PIGU: variants seen among roughly 807,000 people sequenced by gnomAD.
The protein encoded by PIGU is phosphatidylinositol glycan anchor biosynthesis class U.
A neutral mutation model predicts 49.9 loss-of-function variants in PIGU; 24 were observed. That is an observed-to-expected ratio of 0.48 (90% CI 0.35 to 0.68). The LOEUF is 0.68. Ranked by LOEUF, PIGU falls within the 30% of genes least tolerant of loss-of-function variation. PIGU has a pLI of 0.01. For synonymous variants in PIGU, 220 were observed against 205.7 expected (o/e 1.07, Z -0.59); for missense variants, 490 against 532.6 (o/e 0.92, Z 0.79).
At chr20:34,662,877 GTAT>G (rs971486014) in intron 1 of PIGU, among the ~76,000 whole-genome samples, 7 of 152,136 alleles carry the variant, frequency 4.6e-5, no homozygotes, top group African/African-American at 1.7e-4. Flanking sequence ...CAATGAGGAT[GTAT>G]TATTTTACAA....
chr20:34,659,717 T>C (rs1986870994), intron 1 of PIGU, among the ~76,000 whole-genome samples: 1 of 152,200 alleles, frequency 6.6e-6, no homozygotes, highest in Non-Finnish European at 1.5e-5. Context: ...AGAAAAATTA[T>C]TCTGCCTTGG....
At chr20:34,575,322 A>T in intron 10 of PIGU, 76 bp from the exon 11 acceptor site, 1 of 1,531,196 alleles carries the variant, frequency 6.5e-7, no homozygotes. Flanking sequence ...GGCCCCCCTG[A>T]ATGGAGAGGC....
At position 34,636,481 on chromosome 20, in the gene PIGU, T is replaced by C. The variant is rs141010170; in HGVS notation, c.428+1395A>G. 2.2e-3 allele frequency among the ~76,000 whole-genome samples: 339 copies of C among 151,036 alleles called. 1 individual carries two copies. Among genetic ancestry groups the C allele is most frequent in the African/African-American group, 7.7e-3 (315 of 41,124 alleles). On this transcript the variant is annotated intron_variant, in intron 5 of 11. Transcript: ENST00000217446. ...ATTGCTTGAACCCAGGAGGTAGAGG[T>C]TGCAGTGAGCCGAGATTGCACCACT...
At chr20:34,666,908 C>T (rs1219486859) in intron 1 of PIGU, among the ~76,000 whole-genome samples, 1 of 151,992 alleles carries the variant, frequency 6.6e-6, no homozygotes, top group African/African-American at 2.4e-5. Context: ...CCGTATTAGC[C>T]AGGATGGTCT....
chr20:34,658,406 G>A (rs1331558691), intron 1 of PIGU, among the ~76,000 whole-genome samples: 3 of 151,962 alleles, frequency 2.0e-5, no homozygotes, highest in African/African-American at 4.8e-5. Context: ...GCCTCTGCCC[G>A]GCCGCCACCC....
intron 7 of PIGU, among the ~76,000 whole-genome samples, chr20:34,602,238 C>T (rs908834407): frequency 6.1e-5 from 9 of 148,008 alleles, no homozygotes; most frequent in African/African-American, 1.2e-4. Flanking sequence ...GCCGAGACTG[C>T]GCCAGTGCAC....
chr20:34,619,009 C>T (rs113769788), intron 6 of PIGU, among the ~76,000 whole-genome samples: 111 of 152,168 alleles, frequency 7.3e-4, no homozygotes, highest in African/African-American at 2.4e-3. Flanking sequence ...ATGTCACAGA[C>T]GAGAGAGTGG....
chr20:34,612,998 T>C (rs1272490894), intron 7 of PIGU, among the ~76,000 whole-genome samples: 6 of 152,144 alleles, frequency 3.9e-5, no homozygotes. Context: ...TATACAAATA[T>C]AGTAGGAAAT....
At chr20:34,598,077 G>C (rs1984270547) in intron 7 of PIGU, among the ~76,000 whole-genome samples, 1 of 152,082 alleles carries the variant, frequency 6.6e-6, no homozygotes, top group African/African-American at 2.4e-5. Flanking sequence ...AACAAATTCA[G>C]GGTAGTCATA....
Position 34,654,145 on chromosome 20 carries a change from C to T in PIGU, c.195+3035G>A, listed in dbSNP as rs1600663499. Among the ~76,000 whole-genome samples, 3 of 97,978 alleles carry T rather than the reference C, an allele frequency of 3.1e-5. 1 individual carries two copies. In the South Asian group the frequency reaches 9.7e-4, roughly 32 times the overall value. The allele number at this position is 97,978 out of a possible 152,430, so 64.3% of individuals were successfully genotyped here. A position where few individuals can be genotyped will look rare whatever the true frequency, so the allele number is the denominator to read the frequency against. On this transcript the variant is annotated intron_variant, in intron 2 of 11. Coordinates refer to ENST00000217446, the MANE Select transcript of PIGU (RefSeq NM_080476.5). Reference sequence around the variant, plus strand: ...GTGCTGGGATTACAGGCGTGAGCCACCGTGCCCGGCCCTGTGTGCTTATTA... The same window carrying T: ...GTGCTGGGATTACAGGCGTGAGCCATCGTGCCCGGCCCTGTGTGCTTATTA...
chr20:34,574,689 A>G (rs548391218), intron 11 of PIGU, among the ~76,000 whole-genome samples: 11 of 151,766 alleles, frequency 7.2e-5, no homozygotes, highest in South Asian at 2.1e-4. Context: ...CCCTCACTCT[A>G]TCTACTCCCT....
intron 7 of PIGU, among the ~76,000 whole-genome samples, chr20:34,610,184 A>G (rs1984761129): frequency 6.6e-6 from 1 of 152,228 alleles, no homozygotes; most frequent in Admixed American, 6.5e-5. Flanking sequence ...TATTCAACAT[A>G]GTATTAGAAG....
chr20:34,602,588 C>T (rs2146728083), intron 7 of PIGU, among the ~76,000 whole-genome samples: 1 of 152,222 alleles, frequency 6.6e-6, no homozygotes, highest in South Asian at 2.1e-4. Flanking sequence ...CACAGCAAGA[C>T]TCCATCTTAA....
intron 7 of PIGU, among the ~76,000 whole-genome samples, chr20:34,603,127 T>C (rs1294821644): frequency 6.6e-6 from 1 of 152,182 alleles, no homozygotes; most frequent in African/African-American, 2.4e-5. Context: ...TCTAATTATG[T>C]ACCTTGTTTT....
intron 2 of PIGU, among the ~76,000 whole-genome samples, chr20:34,656,437 C>A (rs993219082): frequency 8.0e-6 from 1 of 125,786 alleles, no homozygotes; most frequent in African/African-American, 2.9e-5. Flanking sequence ...CGCCCACTAC[C>A]GCGCCCAGCT....
chr20:34,650,700 C>CTCTTTTTTTTTTTTTTTTT (rs1986509194), intron 2 of PIGU, among the ~76,000 whole-genome samples: 1 of 38,780 alleles, frequency 2.6e-5, no homozygotes, highest in African/African-American at 1.2e-4. Context: ...CTTTTTTTCT[C>CTCTTTTTTTTTTTTTTTTT]TTTTTTTTTT....
Position 34,661,552 on chromosome 20 carries a change from T to C in PIGU, c.131-4308A>G, listed in dbSNP as rs372112327. ...GCAAAGGACATGAGCTCATTCTTTTTTTTTTTTTAATGCTGCATAGTGTTC... is the reference window on the plus strand; with the variant it reads ...GCAAAGGACATGAGCTCATTCTTTTCTTTTTTTTAATGCTGCATAGTGTTC... On this transcript the variant is annotated intron_variant, in intron 1 of 11. Coordinates refer to ENST00000217446, the MANE Select transcript of PIGU (RefSeq NM_080476.5). Among the ~76,000 whole-genome samples, 38 of 152,260 alleles carry C rather than the reference T, an allele frequency of 2.5e-4. No homozygotes were observed. The East Asian group carries it at 7.3e-3, about 29-fold the overall frequency.
intron 7 of PIGU, among the ~76,000 whole-genome samples, chr20:34,602,155 G>A (rs375871465): frequency 1.1e-4 from 17 of 152,106 alleles, no homozygotes; most frequent in African/African-American, 3.6e-4. Flanking sequence ...GGTGGTAGGT[G>A]CCTGTAATCC....
chr20:34,672,592 C>CCT (rs1446615752), intron 1 of PIGU, among the ~76,000 whole-genome samples: 4 of 152,024 alleles, frequency 2.6e-5, no homozygotes, highest in African/African-American at 9.7e-5. Context: ...GTGGCTCATG[C>CCT]CTATAATCCC....
Sources: allele counts gnomAD v4.1 joint callset (sites outside exome capture counted in the v4.1 genomes callset), GRCh38; gene constraint gnomAD v4.1.1; transcripts MANE v1.5; gene names NCBI Gene and HGNC (gene_info 2026-07-23, HGNC 2026-07-21).